The following TANC2 variants were observed in gnomAD, a reference collection of about 807,000 sequenced individuals.
TANC2 encodes the protein protein TANC2.
Under a neutral mutation model 210.5 loss-of-function variants are expected in TANC2, and 26 were observed. The observed-to-expected ratio is 0.12, with a 90% CI of 0.09 to 0.17. TANC2 has a LOEUF of 0.17. Ranked by LOEUF, TANC2 falls within the 10% of genes least tolerant of loss-of-function variation. The pLI is 1.00. For missense variants in TANC2, 2,129 were observed against 2,608.9 expected (o/e 0.82, Z 4.01); for synonymous variants, 931 against 967.1 (o/e 0.96, Z 0.69).
At position 63,155,199 on chromosome 17, in the gene TANC2, C is replaced by A. The variant is rs562587409; in HGVS notation, c.433+3819C>A. ...TAGCTGTGTGACTGATAAAAATAGA[C>A]CTATCTTTAAAAAAAACAAAAACAA... On this transcript the variant is annotated intron_variant, in intron 5 of 27. Coordinates refer to ENST00000689528, the Ensembl canonical transcript of TANC2. 4 of 151,776 alleles carry A rather than the reference C, an allele frequency of 2.6e-5. No homozygotes were observed. The South Asian group carries it at 6.2e-4, about 24-fold the overall frequency. The allele number at this position is 151,776 out of a possible 1,614,324, so 9.4% of individuals were successfully genotyped here. A position where few individuals can be genotyped will look rare whatever the true frequency, so the allele number is the denominator to read the frequency against.
intron 4 of TANC2, chr17:63,120,838 A>C (rs1010117231): frequency 2.6e-5 from 4 of 151,230 alleles, no homozygotes; most frequent in East Asian, 1.9e-4. Context: ...AAAAAAAAAA[A>C]AAACTATTCA....
At chr17:63,386,387 G>T (rs9893857) in intron 15 of TANC2, among the ~76,000 whole-genome samples, 88,704 of 152,024 alleles carry the variant, frequency 0.58, 28,270 homozygotes, top group African/African-American at 0.84. Flanking sequence ...CATATCTGTT[G>T]AGAGACACTG....
At position 62,976,961 on chromosome 17, in the gene TANC2, G is replaced by A. The variant is rs186545172; in HGVS notation, c.-24+10212G>A. 1.9e-3 allele frequency among the ~76,000 whole-genome samples: 293 copies of A among 152,274 alleles called. 2 individuals are homozygous for A. The highest frequency in any genetic ancestry group is 0.015 in the South Asian group (74 of 4,818). ...TGACAAATACAGAATGTGAGGTCCC[G>A]TTCCAGCCGATGGAAACCAGACACA... is the stretch of plus-strand genomic sequence containing the variant. On this transcript the variant is annotated intron_variant, in intron 1 of 27. Coordinates refer to ENST00000689528, the Ensembl canonical transcript of TANC2.
intron 4 of TANC2, among the ~76,000 whole-genome samples, chr17:63,126,104 A>G (rs997354718): frequency 4.6e-5 from 7 of 152,218 alleles, no homozygotes; most frequent in African/African-American, 9.6e-5. Context: ...TTTGATCACA[A>G]TAAGTGCTCA....
chr17:63,208,471 TCA>T (rs2041789737), intron 7 of TANC2, among the ~76,000 whole-genome samples: 1 of 152,218 alleles, frequency 6.6e-6, no homozygotes, highest in South Asian at 2.1e-4. Context: ...AACTTGATCA[TCA>T]TCTTGAGGAT....
intron 1 of TANC2, among the ~76,000 whole-genome samples, chr17:62,995,057 A>G (rs1044490907): frequency 6.6e-6 from 1 of 152,256 alleles, no homozygotes; most frequent in Non-Finnish European, 1.5e-5. Context: ...TGAAACGGTT[A>G]TCACTTATTT....
At chr17:63,202,915 T>C (rs1218017258) in intron 7 of TANC2, among the ~76,000 whole-genome samples, 1 of 152,160 alleles carries the variant, frequency 6.6e-6, no homozygotes, top group East Asian at 1.9e-4. Context: ...ACAGATCTTA[T>C]ATTCTGCTTT....
At chr17:63,392,110 T>TG (rs1454131889) in intron 17 of TANC2, among the ~76,000 whole-genome samples, 1 of 152,214 alleles carries the variant, frequency 6.6e-6, no homozygotes, top group Admixed American at 6.5e-5. Context: ...TGAGATCCTC[T>TG]GGTCTTCCTT....
intron 9 of TANC2, among the ~76,000 whole-genome samples, chr17:63,295,552 A>G (rs2146449424): frequency 6.6e-6 from 1 of 152,228 alleles, no homozygotes; most frequent in South Asian, 2.1e-4. Context: ...ATAGTTCTCC[A>G]CTCTGGAAAG....
At chr17:63,024,253 TCCTTAGAGCAGCCC>T (rs1162429518) in intron 2 of TANC2, among the ~76,000 whole-genome samples, 1 of 152,178 alleles carries the variant, frequency 6.6e-6, no homozygotes, top group Non-Finnish European at 1.5e-5. Flanking sequence ...GAATGGCTAC[TCCTTAGAGCAGCCC>T]TGAGGGCTGC....
intron 1 of TANC2, chr17:62,968,587 C>G (rs2031498739): frequency 6.6e-6 from 1 of 152,180 alleles, no homozygotes. Context: ...TTTGTTCTGA[C>G]TGTAAGCCAT....
At chr17:63,177,155 C>T (rs1281301963) in intron 5 of TANC2, among the ~76,000 whole-genome samples, 3 of 150,912 alleles carry the variant, frequency 2.0e-5, no homozygotes, top group African/African-American at 7.3e-5. Context: ...GTCCCAGCTA[C>T]TCAAGAGTCT....
intron 8 of TANC2, among the ~76,000 whole-genome samples, chr17:63,243,114 CT>C (rs2042820419): frequency 6.6e-6 from 1 of 152,138 alleles, no homozygotes; most frequent in Non-Finnish European, 1.5e-5. Context: ...AGCATCCAAG[CT>C]TGTTAGTTTA....
intron 4 of TANC2, 88 bp from the exon 5 acceptor site, chr17:63,151,182 C>G (rs1209928350): frequency 8.6e-6 from 5 of 580,946 alleles, no homozygotes; most frequent in Non-Finnish European, 1.1e-5. Context: ...TTTTCCTTCT[C>G]TTTCCCTGTT....
At chr17:63,131,580 A>C (rs988350183) in intron 4 of TANC2, among the ~76,000 whole-genome samples, 2 of 151,810 alleles carry the variant, frequency 1.3e-5, no homozygotes, top group African/African-American at 4.8e-5. Context: ...TGGAATGTAA[A>C]TTTGCTTTCA....
At chr17:63,326,467 C>T (rs368749510) in intron 11 of TANC2, among the ~76,000 whole-genome samples, 15 of 152,106 alleles carry the variant, frequency 9.9e-5, no homozygotes, top group African/African-American at 3.6e-4. Flanking sequence ...GAAAGGCTTT[C>T]TAGGATCTAA....
At chr17:63,404,585 G>C (rs1277028060) in intron 19 of TANC2, among the ~76,000 whole-genome samples, 2 of 152,154 alleles carry the variant, frequency 1.3e-5, no homozygotes, top group Non-Finnish European at 2.9e-5. Context: ...AGAAACTTCT[G>C]TATCAACTAA....
chr17:63,257,031 A>G (rs991831165), intron 8 of TANC2, among the ~76,000 whole-genome samples: 5 of 149,380 alleles, frequency 3.3e-5, no homozygotes, highest in Non-Finnish European at 4.4e-5. Context: ...CTTGTAGGCC[A>G]CAGATAATTG....
At chr17:63,415,498 G>T (rs768869716) in intron 25 of TANC2, 30 bp from the exon 26 acceptor site, 1 of 1,610,640 alleles carries the variant, frequency 6.2e-7, no homozygotes, top group Non-Finnish European at 8.5e-7. Context: ...CAGACCAACT[G>T]TGTGTTTCGC....
Sources: allele counts gnomAD v4.1 joint callset (sites outside exome capture counted in the v4.1 genomes callset), GRCh38; gene constraint gnomAD v4.1.1; transcripts MANE v1.5; gene names NCBI Gene and HGNC (gene_info 2026-07-23, HGNC 2026-07-21).